The following RAP1GAP2 variants were observed in gnomAD, a reference collection of about 807,000 sequenced individuals.
RAP1GAP2 encodes the protein rap1 GTPase-activating protein 2.
In RAP1GAP2, 27 loss-of-function variants were observed where a neutral mutation model predicts 95.0. That is an observed-to-expected ratio of 0.28 (90% confidence interval 0.21 to 0.39). RAP1GAP2 has a LOEUF of 0.39. RAP1GAP2 is among the 10% of genes least tolerant of loss of function. The pLI is 1.00. For synonymous variants in RAP1GAP2, 373 were observed against 380.9 expected (o/e 0.98, Z 0.24); for missense variants, 771 against 970.0 (o/e 0.79, Z 2.72).
chr17:2,771,644 C>G (rs1805485322), intron 2 of RAP1GAP2, among the ~76,000 whole-genome samples: 1 of 152,044 alleles, frequency 6.6e-6, no homozygotes, highest in Admixed American at 6.6e-5. Flanking sequence ...TGCCCGCCAC[C>G]ATACCTGGCT....
At chr17:2,957,694 G>A (rs2044168446) in intron 3 of RAP1GAP2, 65 bp from the exon 4 acceptor site, 1 of 1,514,418 alleles carries the variant, frequency 6.6e-7, no homozygotes, top group South Asian at 1.2e-5. Context: ...TGGTGAGGAA[G>A]AGGCTTTTGC....
intron 2 of RAP1GAP2, among the ~76,000 whole-genome samples, chr17:2,893,048 A>T (rs1340455092): frequency 2.1e-5 from 3 of 145,358 alleles, no homozygotes; most frequent in African/African-American, 7.7e-5. Flanking sequence ...TTTTTTTGAG[A>T]TGGAGTTTTG....
chr17:2,989,392 G>C (rs1451632772), intron 11 of RAP1GAP2, among the ~76,000 whole-genome samples: 1 of 152,174 alleles, frequency 6.6e-6, no homozygotes, highest in Admixed American at 6.5e-5. Context: ...GAGTGCAGTG[G>C]TGTGATCTCT....
At chr17:2,926,652 T>C (rs1381784586) in intron 3 of RAP1GAP2, among the ~76,000 whole-genome samples, 1 of 152,102 alleles carries the variant, frequency 6.6e-6, no homozygotes, top group Non-Finnish European at 1.5e-5. Flanking sequence ...AACACAAATC[T>C]ATCATCTTAC....
intron 1 of RAP1GAP2, among the ~76,000 whole-genome samples, chr17:2,789,278 G>C (rs954927715): frequency 3.9e-5 from 6 of 151,994 alleles, no homozygotes; most frequent in African/African-American, 1.5e-4. Context: ...GAACTCCTGA[G>C]CTCAGGTGAT....
chr17:2,879,882 TG>T (rs1313361693), intron 2 of RAP1GAP2, among the ~76,000 whole-genome samples: 11 of 152,062 alleles, frequency 7.2e-5, no homozygotes, highest in African/African-American at 2.4e-4. Flanking sequence ...TTGGAGAGTT[TG>T]GGGGGCTGGT....
chr17:2,951,156 C>T (rs773329879), intron 3 of RAP1GAP2, among the ~76,000 whole-genome samples: 1 of 152,260 alleles, frequency 6.6e-6, no homozygotes, highest in Non-Finnish European at 1.5e-5. Flanking sequence ...GCTCTCCCAT[C>T]TGATCTTCAG....
chr17:2,842,232 C>G (rs968607724), intron 2 of RAP1GAP2, among the ~76,000 whole-genome samples: 2 of 152,116 alleles, frequency 1.3e-5, no homozygotes, highest in African/African-American at 4.8e-5. Context: ...CTTTATTTTT[C>G]TAAAAAGTCT....
intron 3 of RAP1GAP2, among the ~76,000 whole-genome samples, chr17:2,908,314 G>A (rs1277330845): frequency 1.3e-5 from 2 of 152,186 alleles, no homozygotes; most frequent in Non-Finnish European, 2.9e-5. Flanking sequence ...TCAAGCAGAC[G>A]CTTGGACATT....
Position 2,933,428 on chromosome 17 carries a change from C to T in RAP1GAP2, c.166-24331C>T, listed in dbSNP as rs574004466. ...GCCAGTTAGGAGAGGGTACAAGCTG[C>T]GGAGCCCATGGGGCTTTGCATTTTC... On this transcript the variant is annotated intron_variant, in intron 3 of 24. Transcript: ENST00000254695. 9.2e-5 allele frequency among the ~76,000 whole-genome samples: 14 copies of T among 152,312 alleles called. No individual in the cohort carries two copies. In the South Asian group the frequency reaches 1.2e-3, roughly 14 times the overall value.
At chr17:2,811,751 G>C (rs1324370893) in intron 2 of RAP1GAP2, among the ~76,000 whole-genome samples, 1 of 152,066 alleles carries the variant, frequency 6.6e-6, no homozygotes, top group Non-Finnish European at 1.5e-5. Context: ...CTAATTTTTT[G>C]TATTTTTAGT....
chr17:2,764,157 C>T (rs975303824), intron 1 of RAP1GAP2, among the ~76,000 whole-genome samples: 6 of 152,190 alleles, frequency 3.9e-5, no homozygotes, highest in African/African-American at 9.6e-5. Context: ...ATAGGCTGTG[C>T]GCAGTGGCTC....
chr17:2,765,398 A>G (rs1192088105), intron 1 of RAP1GAP2, among the ~76,000 whole-genome samples: 5 of 152,050 alleles, frequency 3.3e-5, no homozygotes. Context: ...AGGCAGGAGG[A>G]TCGCTTGAGC....
rs1452656680 is a variant in RAP1GAP2 at position 2,799,068 on chromosome 17, GAGATTCCTTGAGA to G, written c.45-1445_45-1433del. Among the ~76,000 whole-genome samples the G allele has an allele frequency of 8.5e-5, 13 of 152,366 alleles. No homozygotes were observed. The Middle Eastern group carries it at 0.01, about 120-fold the overall frequency. Reference sequence around the variant, plus strand: ...AACACAGGGCTGTTGTAAGAATTAGGAGATTCCTTGAGAAAATGTAAAACCTAAGCGCCTGCTG... The same window carrying G: ...AACACAGGGCTGTTGTAAGAATTAGGAAATGTAAAACCTAAGCGCCTGCTG... On this transcript the variant is annotated intron_variant, in intron 1 of 24. Coordinates refer to ENST00000254695, the MANE Select transcript of RAP1GAP2 (RefSeq NM_015085.5).
At chr17:2,844,715 G>A (rs533335586) in intron 2 of RAP1GAP2, among the ~76,000 whole-genome samples, 216 of 152,286 alleles carry the variant, frequency 1.4e-3, no homozygotes, top group African/African-American at 5.1e-3. Context: ...GAAGGAAACT[G>A]TTGTCCTTCC....
At position 3,006,438 on chromosome 17, in the gene RAP1GAP2, C is replaced by CTTT. The variant is rs796860030; in HGVS notation, c.1359+407_1359+409dup. ...AGCCACTGCGCCTGGCCAATCAGTC[C>CTTT]TTTTTTTTTTTTCAAGACAGAATCT... On this transcript the variant is annotated intron_variant, in intron 16 of 24. Transcript: ENST00000254695. Among the ~76,000 whole-genome samples the CTTT allele has an allele frequency of 2.1e-3, 258 of 125,532 alleles. 3 individuals are homozygous for CTTT. Among genetic ancestry groups the CTTT allele is most frequent in the African/African-American group, 7.1e-3 (240 of 33,770 alleles). 82.4% of individuals were successfully genotyped at this position (125,532 alleles called of 152,430 possible). A position where few individuals can be genotyped will look rare whatever the true frequency, so the allele number is the denominator to read the frequency against.
chr17:2,933,654 T>C (rs2043222475), intron 3 of RAP1GAP2, among the ~76,000 whole-genome samples: 1 of 152,222 alleles, frequency 6.6e-6, no homozygotes, highest in South Asian at 2.1e-4. Flanking sequence ...CTCTAAGCCT[T>C]TGCCTGGGCT....
chr17:2,910,752 G>A (rs2042346711), intron 3 of RAP1GAP2, among the ~76,000 whole-genome samples: 2 of 152,270 alleles, frequency 1.3e-5, no homozygotes, highest in South Asian at 4.2e-4. Flanking sequence ...TTGAGACGGA[G>A]TCTCACTCTG....
rs1213697095 is a variant in RAP1GAP2, at chr17:3,020,484, T to G, written c.1640T>G (p.Val547Gly). 6 of 1,613,280 alleles carry G rather than the reference T, an allele frequency of 3.7e-6. No homozygotes were observed. The South Asian group carries it at 5.5e-5, about 15-fold the overall frequency. Residue 547 changes from valine to glycine, a missense_variant, in exon 19 of 25, where the codon GTG (valine) becomes GGG (glycine). Transcript: ENST00000254695. ...TGGCAATTTCATCGACAGCCTCCAG[T>G]GGTGGCGGCAACGGTGAAGAACCAG... Reference protein sequence around the residue: ...EVTKTTFSPPVVAATVKNQSR... With the variant: ...EVTKTTFSPPGVAATVKNQSR...
Sources: allele counts gnomAD v4.1 joint callset (sites outside exome capture counted in the v4.1 genomes callset), GRCh38; gene constraint gnomAD v4.1.1; transcripts MANE v1.5; gene names NCBI Gene and HGNC (gene_info 2026-07-23, HGNC 2026-07-21).